The following EHBP1 variants were observed in gnomAD, a reference collection of about 807,000 sequenced individuals.
The protein encoded by EHBP1 is EH domain-binding protein 1.
A neutral mutation model predicts 144.0 loss-of-function variants in EHBP1; 55 were observed. The observed-to-expected ratio is 0.38, with a 90% CI of 0.31 to 0.48. The LOEUF (loss-of-function observed/expected upper bound fraction) is 0.48. EHBP1 is among the 20% of genes least tolerant of loss of function. The pLI is 0.98. For missense variants in EHBP1, 1,200 were observed against 1,364.2 expected (o/e 0.88, Z 1.90); for synonymous variants, 469 against 472.7 (o/e 0.99, Z 0.10).
At chr2:62,947,741 A>C (rs1360910370) in intron 12 of EHBP1, among the ~76,000 whole-genome samples, 3 of 152,222 alleles carry the variant, frequency 2.0e-5, no homozygotes, top group Non-Finnish European at 4.4e-5. Flanking sequence ...GAATTAAATG[A>C]AGTCACTCTT....
chr2:62,923,028 C>G (rs2055209168), intron 10 of EHBP1, among the ~76,000 whole-genome samples: 1 of 152,140 alleles, frequency 6.6e-6, no homozygotes, highest in South Asian at 2.1e-4. Context: ...CCATACTTCA[C>G]CCACCTCCTA....
chr2:62,894,953 G>GAGAGAGAGAGAGAGAGAGAGAA (rs1444276353), intron 10 of EHBP1, among the ~76,000 whole-genome samples: 1 of 151,432 alleles, frequency 6.6e-6, no homozygotes. Flanking sequence ...GAGAGAGAGA[G>GAGAGAGAGAGAGAGAGAGAGAA]AGAATGCTGC....
At chr2:62,846,518 C>T (rs1017968169) in intron 7 of EHBP1, among the ~76,000 whole-genome samples, 1 of 152,164 alleles carries the variant, frequency 6.6e-6, no homozygotes, top group African/African-American at 2.4e-5. Context: ...CATTCATGAA[C>T]AGCTACAGCT....
intron 14 of EHBP1, among the ~76,000 whole-genome samples, chr2:62,972,743 T>G (rs1351036433): frequency 6.6e-6 from 1 of 152,186 alleles, no homozygotes; most frequent in Non-Finnish European, 1.5e-5. Context: ...ATTAAGGCAA[T>G]CTGATAGGGA....
At chr2:62,986,951 C>T (rs190591515) in intron 15 of EHBP1, among the ~76,000 whole-genome samples, 57 of 152,114 alleles carry the variant, frequency 3.7e-4, no homozygotes, top group Middle Eastern at 3.4e-3. Context: ...AAAAAATCTT[C>T]GGAATACCTC....
intron 5 of EHBP1, among the ~76,000 whole-genome samples, chr2:62,801,390 A>G (rs1049095208): frequency 1.3e-5 from 2 of 152,214 alleles, no homozygotes; most frequent in Admixed American, 1.3e-4. Flanking sequence ...CAATCACACC[A>G]TCTATACTGA....
intron 10 of EHBP1, among the ~76,000 whole-genome samples, chr2:62,898,223 C>G (rs568430226): frequency 6.6e-6 from 1 of 152,138 alleles, no homozygotes; most frequent in Non-Finnish European, 1.5e-5. Flanking sequence ...AGCAAGACTT[C>G]CAGTTCCAAA....
intron 2 of EHBP1, among the ~76,000 whole-genome samples, chr2:62,719,253 A>G (rs1458963801): frequency 6.6e-6 from 1 of 152,192 alleles, no homozygotes; most frequent in African/African-American, 2.4e-5. Flanking sequence ...GGCATGAGCC[A>G]CTGTGCCGAC....
chr2:62,885,269 T>C (rs960874190), intron 10 of EHBP1, among the ~76,000 whole-genome samples: 3 of 152,202 alleles, frequency 2.0e-5, no homozygotes, highest in African/African-American at 4.8e-5. Flanking sequence ...TGTATACTTA[T>C]GTTGCAAAAT....
intron 5 of EHBP1, among the ~76,000 whole-genome samples, chr2:62,802,365 T>C (rs953052663): frequency 6.6e-6 from 1 of 152,140 alleles, no homozygotes; most frequent in Non-Finnish European, 1.5e-5. Context: ...CACTCTATGA[T>C]GCATAGGAAA....
intron 5 of EHBP1, among the ~76,000 whole-genome samples, chr2:62,797,542 G>A (rs992002431): frequency 2.6e-5 from 4 of 152,108 alleles, no homozygotes; most frequent in Non-Finnish European, 4.4e-5. Flanking sequence ...ATAAAAATAC[G>A]CCAATCAAGT....
At chr2:62,979,105 C>A in intron 14 of EHBP1, 83 bp from the exon 15 acceptor site, 1 of 1,401,904 alleles carries the variant, frequency 7.1e-7, no homozygotes. Flanking sequence ...TGCTGTAAAC[C>A]AGTTACTATC....
intron 14 of EHBP1, among the ~76,000 whole-genome samples, chr2:62,972,529 A>ATAATTGATAGTATATAGT (rs1269497705): frequency 6.6e-6 from 1 of 152,182 alleles, no homozygotes; most frequent in Non-Finnish European, 1.5e-5. Flanking sequence ...TATCAAACTA[A>ATAATTGATAGTATATAGT]AATTGATGGC....
chr2:62,891,389 T>C (rs968493823), intron 10 of EHBP1, among the ~76,000 whole-genome samples: 1 of 152,152 alleles, frequency 6.6e-6, no homozygotes, highest in Non-Finnish European at 1.5e-5. Flanking sequence ...TTTTTTGATA[T>C]AAGTCCCAAC....
rs569894973 is a variant in EHBP1, at chr2:62,718,815, C to G, written c.104+11520C>G. ...GTTCAGCTGTTTTGTGATTTTCTTT[C>G]TGATTAAAAGTGAGAGCAATGTGTT... On this transcript the variant is annotated intron_variant, in intron 2 of 22. Coordinates refer to ENST00000431489, the MANE Select transcript of EHBP1 (RefSeq NM_001142616.3). 3.3e-5 allele frequency among the ~76,000 whole-genome samples: 5 copies of G among 152,196 alleles called. No homozygotes were observed. The South Asian group carries it at 1.0e-3, about 32-fold the overall frequency.
intron 10 of EHBP1, among the ~76,000 whole-genome samples, chr2:62,917,297 A>G (rs1209991514): frequency 2.0e-5 from 3 of 152,236 alleles, no homozygotes; most frequent in Non-Finnish European, 4.4e-5. Context: ...TGTCTCAAAA[A>G]TGAATGAATA....
At chr2:62,702,369 G>A (rs2151764589), upstream of EHBP1, among the ~76,000 whole-genome samples, 1 of 152,308 alleles carries the variant, frequency 6.6e-6, no homozygotes, top group Middle Eastern at 3.4e-3. Context: ...CTGGGACAGA[G>A]GGAGACGATA....
chr2:62,780,455 T>C (rs1280722336), intron 5 of EHBP1, among the ~76,000 whole-genome samples: 1 of 152,080 alleles, frequency 6.6e-6, no homozygotes, highest in African/African-American at 2.4e-5. Flanking sequence ...TTCAGAGAAA[T>C]TTCATATATA....
intron 10 of EHBP1, among the ~76,000 whole-genome samples, chr2:62,894,927 A>AAAAGAGAG (rs1553463477): frequency 7.1e-6 from 1 of 141,110 alleles, no homozygotes; most frequent in South Asian, 2.4e-4. Context: ...AACAGAAAGA[A>AAAAGAGAG]AGAGAGAGAG....
Sources: allele counts gnomAD v4.1 joint callset (sites outside exome capture counted in the v4.1 genomes callset), GRCh38; gene constraint gnomAD v4.1.1; transcripts MANE v1.5; gene names NCBI Gene and HGNC (gene_info 2026-07-23, HGNC 2026-07-21).